Variants in CDH13 observed in about 807,000 individuals in gnomAD.
CDH13 encodes the protein cadherin 13.
Under a neutral mutation model 63.8 loss-of-function variants are expected in CDH13, and 24 were observed. That is an observed-to-expected ratio of 0.38 (90% CI 0.27 to 0.53). The LOEUF (loss-of-function observed/expected upper bound fraction) is 0.53. CDH13 is among the 20% of genes least tolerant of loss of function. The pLI is 0.85. For missense variants in CDH13, 1,049 were observed against 903.1 expected, an observed-to-expected ratio of 1.16 and a Z score of -2.07; for synonymous variants, 503 against 355.3, an observed-to-expected ratio of 1.42 and a Z score of -4.67.
chr16:83,531,839 A>G (rs1284782301), intron 7 of CDH13, among the ~76,000 whole-genome samples: 1 of 152,180 alleles, frequency 6.6e-6, no homozygotes, highest in Non-Finnish European at 1.5e-5. Flanking sequence ...AAACTGTAAG[A>G]GAGTAACTTT....
chr16:83,058,415 T>C (rs1473022968), intron 3 of CDH13, among the ~76,000 whole-genome samples: 1 of 152,210 alleles, frequency 6.6e-6, no homozygotes, highest in African/African-American at 2.4e-5. Context: ...TGTTCCTATG[T>C]TTCAACATGG....
At chr16:83,568,196 A>G (rs532825891) in intron 7 of CDH13, among the ~76,000 whole-genome samples, 49 of 152,316 alleles carry the variant, frequency 3.2e-4, no homozygotes, top group Non-Finnish European at 6.2e-4. Flanking sequence ...AAAAGGAAAA[A>G]AAAAAGCTGA....
At chr16:83,491,579 T>C (rs2074013082) in intron 7 of CDH13, among the ~76,000 whole-genome samples, 1 of 152,078 alleles carries the variant, frequency 6.6e-6, no homozygotes, top group Non-Finnish European at 1.5e-5. Flanking sequence ...TTTTTTTTTT[T>C]TTTCTTTTTT....
At chr16:82,665,591 C>T (rs148282348) in intron 1 of CDH13, among the ~76,000 whole-genome samples, 2 of 152,046 alleles carry the variant, frequency 1.3e-5, no homozygotes, top group Admixed American at 6.6e-5. Flanking sequence ...TCCTGATAAA[C>T]CATCCTACAT....
chr16:83,119,976 C>T (rs1466980926), intron 3 of CDH13, among the ~76,000 whole-genome samples: 1 of 152,224 alleles, frequency 6.6e-6, no homozygotes, highest in Non-Finnish European at 1.5e-5. Flanking sequence ...TAAATATTCA[C>T]TGAAGTTTCT....
intron 2 of CDH13, among the ~76,000 whole-genome samples, chr16:82,929,651 C>CAAAAAAAAAAAAAAAAAAAAA (rs71146097): frequency 2.3e-4 from 10 of 44,280 alleles, no homozygotes; most frequent in African/African-American, 7.2e-4. Context: ...GACTCCATCT[C>CAAAAAAAAAAAAAAAAAAAAA]AAAAAAAAAA....
At chr16:83,491,279 G>A (rs887227828) in intron 7 of CDH13, among the ~76,000 whole-genome samples, 19 of 152,270 alleles carry the variant, frequency 1.2e-4, no homozygotes, top group South Asian at 6.2e-4. Context: ...AGATGTTTGC[G>A]GAAAATAAGA....
chr16:82,627,067 C>A lies in CDH13; in HGVS notation c.-26C>A. 6.3e-7 allele frequency: 1 copy of A among 1,585,160 alleles called. No homozygotes were observed. On this transcript the variant is annotated 5_prime_UTR_variant, in exon 1 of 14. Coordinates refer to ENST00000567109, the MANE Select transcript of CDH13 (RefSeq NM_001257.5). The stretch of plus-strand genomic sequence containing the variant: ...GCAGCCGCGTGCATGAATGAAAACG[C>A]CGCCGGGCGCTTCTAGTCGGACAAA...
chr16:82,996,711 GTGATGA>G (rs1034214934), intron 2 of CDH13, among the ~76,000 whole-genome samples: 1 of 152,074 alleles, frequency 6.6e-6, no homozygotes, highest in Admixed American at 6.6e-5. Flanking sequence ...CATAATGAGA[GTGATGA>G]TGATGATGAT....
intron 3 of CDH13, among the ~76,000 whole-genome samples, chr16:83,091,028 C>G (rs1037073952): frequency 6.6e-6 from 1 of 151,916 alleles, no homozygotes; most frequent in Non-Finnish European, 1.5e-5. Flanking sequence ...TATTATATAA[C>G]ATTTTCTATG....
chr16:83,104,685 G>A (rs146561250), intron 3 of CDH13, among the ~76,000 whole-genome samples: 17 of 152,100 alleles, frequency 1.1e-4, no homozygotes, highest in Non-Finnish European at 1.8e-4. Flanking sequence ...TCCCCAAGCC[G>A]AATAATGTTG....
At chr16:82,922,643 G>A (rs2042191403) in intron 2 of CDH13, among the ~76,000 whole-genome samples, 1 of 152,106 alleles carries the variant, frequency 6.6e-6, no homozygotes, top group Non-Finnish European at 1.5e-5. Flanking sequence ...GGAGAGAAAA[G>A]CTCACAGAGA....
intron 5 of CDH13, among the ~76,000 whole-genome samples, chr16:83,318,075 T>G (rs2090143159): frequency 6.6e-6 from 1 of 152,168 alleles, no homozygotes; most frequent in South Asian, 2.1e-4. Flanking sequence ...GGGGTAATAA[T>G]GATACCTATC....
chr16:83,158,149 G>C (rs114289187), intron 4 of CDH13, among the ~76,000 whole-genome samples: 1 of 151,946 alleles, frequency 6.6e-6, no homozygotes, highest in African/African-American at 2.4e-5. Flanking sequence ...GTCCCTTCCT[G>C]AATCCAGGTA....
At chr16:82,806,495 T>G (rs2037152627) in intron 1 of CDH13, among the ~76,000 whole-genome samples, 1 of 152,024 alleles carries the variant, frequency 6.6e-6, no homozygotes, top group African/African-American at 2.4e-5. Context: ...CTCTGTTTTT[T>G]GTTTTGTTTT....
intron 6 of CDH13, among the ~76,000 whole-genome samples, chr16:83,364,684 T>C (rs1385136158): frequency 1.3e-5 from 2 of 152,220 alleles, no homozygotes; most frequent in Non-Finnish European, 2.9e-5. Flanking sequence ...CTTTTATGAA[T>C]GTTTCTTTTA....
chr16:83,697,306 T>G (rs1905535505), intron 10 of CDH13, among the ~76,000 whole-genome samples: 1 of 152,216 alleles, frequency 6.6e-6, no homozygotes, highest in African/African-American at 2.4e-5. Flanking sequence ...TACAAATAAG[T>G]GCCCTTTTTG....
At chr16:83,095,086 C>G (rs559444454) in intron 3 of CDH13, among the ~76,000 whole-genome samples, 1 of 152,292 alleles carries the variant, frequency 6.6e-6, no homozygotes, top group South Asian at 2.1e-4. Flanking sequence ...TTATTGTCAA[C>G]TTGATAAGAA....
intron 2 of CDH13, among the ~76,000 whole-genome samples, chr16:83,015,688 T>TAG: frequency 1.2e-5 from 1 of 83,296 alleles, no homozygotes; most frequent in African/African-American, 4.7e-5. Context: ...TATATATATA[T>TAG]ATATATATAT....
Sources: allele counts gnomAD v4.1 joint callset (sites outside exome capture counted in the v4.1 genomes callset), GRCh38; gene constraint gnomAD v4.1.1; transcripts MANE v1.5; gene names NCBI Gene and HGNC (gene_info 2026-07-23, HGNC 2026-07-21).